The following ITPRID2 variants were observed in gnomAD, a reference collection of about 807,000 sequenced individuals.
ITPRID2 encodes protein ITPRID2.
Under a neutral mutation model 124.3 loss-of-function variants are expected in ITPRID2, and 60 were observed. The ratio of observed to expected loss-of-function variants is 0.48; its 90% CI spans 0.39 to 0.60. The LOEUF is 0.60. ITPRID2 is among the 20% of genes least tolerant of loss of function. ITPRID2 has a pLI of 0.00. For synonymous variants in ITPRID2, 521 were observed against 542.9 expected (o/e 0.96, Z 0.56); for missense variants, 1,553 against 1,512.2 (o/e 1.03, Z -0.45).
chr2:181,897,139 T>A (rs1177713347), intron 4 of ITPRID2, among the ~76,000 whole-genome samples, 175 bp downstream of exon 4: 6 of 152,022 alleles, frequency 3.9e-5, no homozygotes, highest in Admixed American at 1.3e-4. Context: ...GTCTGTAGGA[T>A]ACATGTAGGG....
chr2:181,891,871 G>C lies in ITPRID2; in HGVS notation c.-196G>C. On this transcript the variant is annotated 5_prime_UTR_variant, in exon 1 of 18. Transcript: ENST00000431877. The stretch of plus-strand genomic sequence containing the variant: ...CCCGGCCGCCTTCATGTGAAGCGCC[G>C]GCCCTCCGCCCCTTCCCTCCCCTTC... 1 of 345,132 alleles carries C rather than the reference G, an allele frequency of 2.9e-6. No individual in the cohort carries two copies. The highest frequency in any genetic ancestry group is 2.6e-5 in the South Asian group (1 of 39,170). The allele number at this position is 345,132 out of a possible 1,614,324, so 21.4% of individuals were successfully genotyped here.
Position 181,919,603 on chromosome 2 carries a change from A to G in ITPRID2, c.3144+157A>G, listed in dbSNP as rs771160813. ...GCTTTCCCACAAATCAGTTGAATGT[A>G]CAATTTGTAATAATTGTCATAAATA... On this transcript the variant is annotated intron_variant, in intron 14 of 17. Transcript: ENST00000431877. This position sits in a 1 kb window ranked among gnomAD's most constrained non-coding sequence, Gnocchi z 4.2. 1.8e-4 allele frequency among the ~76,000 whole-genome samples: 28 copies of G among 152,368 alleles called. No homozygotes were observed. The highest frequency in any genetic ancestry group is 3.2e-4 in the Non-Finnish European group (22 of 68,028).
At chr2:181,903,056 G>GT (rs1692809910) in intron 8 of ITPRID2, among the ~76,000 whole-genome samples, 2 of 152,130 alleles carry the variant, frequency 1.3e-5, no homozygotes, top group African/African-American at 4.8e-5. Context: ...CCAATGTTTG[G>GT]TTACTTGTTA....
chr2:181,906,711 C>A (rs986052012), intron 8 of ITPRID2, among the ~76,000 whole-genome samples: 1 of 151,678 alleles, frequency 6.6e-6, no homozygotes, highest in Non-Finnish European at 1.5e-5. Flanking sequence ...TGCACTCCAG[C>A]CTGGGCAACA....
chr2:181,896,977 G>A lies in ITPRID2; in HGVS notation c.364+13G>A. ...TTGGGAGCTGAAGGTATGTTTGTTT[G>A]GAAGAACTGTATTTTTGTGTAGTTT... On this transcript the variant is annotated intron_variant, in intron 4 of 17. Coordinates refer to ENST00000431877, the MANE Select transcript of ITPRID2 (RefSeq NM_001130445.3). The surrounding 1 kb of genome is among the most constrained non-coding windows in gnomAD (Gnocchi z 4.3). 6.2e-7 allele frequency: 1 copy of A among 1,608,472 alleles called. No homozygotes were observed. Among genetic ancestry groups the A allele is most frequent in the Non-Finnish European group, 8.5e-7 (1 of 1,175,380 alleles).
intron 9 of ITPRID2, among the ~76,000 whole-genome samples, chr2:181,913,313 C>T (rs868615441): frequency 4.6e-5 from 7 of 152,080 alleles, no homozygotes; most frequent in Non-Finnish European, 7.4e-5. Flanking sequence ...GTGATCCGCC[C>T]GCCTCAGCCT....
chr2:181,892,424 G>A lies in ITPRID2; in HGVS notation c.211+147G>A. ...ACACTTCCGACCTTCAAACGCGCGC[G>A]CTGAACGAGGCGCCCCCAGCGTCAA... On this transcript the variant is annotated intron_variant, in intron 1 of 17. Transcript: ENST00000431877. The surrounding 1 kb of genome is among the most constrained non-coding windows in gnomAD (Gnocchi z 5.2). The A allele has an allele frequency of 2.6e-6, 3 of 1,136,694 alleles. No individual in the cohort carries two copies. In the South Asian group the frequency reaches 4.5e-5, roughly 17 times the overall value. The allele number at this position is 1,136,694 out of a possible 1,614,324, so 70.4% of individuals were successfully genotyped here. A position where few individuals can be genotyped will look rare whatever the true frequency, so the allele number is the denominator to read the frequency against.
chr2:181,897,661 A>G (rs946469186), intron 4 of ITPRID2, among the ~76,000 whole-genome samples: 1 of 151,980 alleles, frequency 6.6e-6, no homozygotes, highest in East Asian at 1.9e-4. Flanking sequence ...TGCATAGATT[A>G]TTCATAGCTG....
In ITPRID2 at chr2:181,919,055, T is replaced by G. The variant is rs1694289318; in HGVS notation, c.2993+173T>G. ...TAGTGTTTTACTAAGTAAACTTGTA[T>G]GCCTTCAATATCCTAAGGGTAGTGG... is the stretch of plus-strand genomic sequence containing the variant. On this transcript the variant is annotated intron_variant, in intron 13 of 17. Coordinates refer to ENST00000431877, the MANE Select transcript of ITPRID2 (RefSeq NM_001130445.3). The surrounding 1 kb of genome is among the most constrained non-coding windows in gnomAD (Gnocchi z 4.2). 1.3e-5 allele frequency among the ~76,000 whole-genome samples: 2 copies of G among 152,254 alleles called. No individual in the cohort carries two copies. Among genetic ancestry groups the G allele is most frequent in the Admixed American group, 1.3e-4 (2 of 15,282 alleles).
chr2:181,916,982 C>A (rs1694111798), intron 11 of ITPRID2: 1 of 986,080 alleles, frequency 1.0e-6, no homozygotes, highest in Non-Finnish European at 1.2e-6. Flanking sequence ...TGGAACTACT[C>A]CAGACCAGAA....
Position 181,892,202 on chromosome 2 carries a change from G to T in ITPRID2, c.136G>T (p.Ala46Ser). 1 of 1,552,720 alleles carries T rather than the reference G, an allele frequency of 6.4e-7. No individual in the cohort carries two copies. Among genetic ancestry groups the T allele is most frequent in the Middle Eastern group, 1.7e-4 (1 of 5,872 alleles). ...GGAGACGGAGGATCTGTCCACAGAA[G>T]CGACGACGCAGGACGAGGAGGAGGA... is the stretch of plus-strand genomic sequence containing the variant. Reference protein sequence around the residue: ...ASETEDLSTEATTQDEEEDEE... With the variant: ...ASETEDLSTESTTQDEEEDEE... Residue 46 changes from alanine to serine, a missense_variant, in exon 1 of 18, where the codon GCG becomes TCG. Physicochemically the swap from Ala to Ser is moderately conservative, Grantham distance 99. Transcript: ENST00000431877. This position sits in a 1 kb window ranked among gnomAD's most constrained non-coding sequence, Gnocchi z 5.2.
intron 16 of ITPRID2, among the ~76,000 whole-genome samples, chr2:181,924,834 T>G (rs570380481): frequency 2.6e-5 from 4 of 152,366 alleles, no homozygotes; most frequent in African/African-American, 9.6e-5. Context: ...GCATGTGCAT[T>G]GTACTAGGAA....
In ITPRID2 at chr2:181,896,836, CTAAAACAGTGATTT is replaced by C. The variant is rs1692242049; in HGVS notation, c.308-69_308-56del. Reference sequence around the variant, plus strand: ...AAGATATTTTGCTGGGTGAATTTAACTAAAACAGTGATTTTATATGAGGGTGGAGAGGAACAGAA... The same window carrying C: ...AAGATATTTTGCTGGGTGAATTTAACTATATGAGGGTGGAGAGGAACAGAA... On this transcript the variant is annotated intron_variant, in intron 3 of 17. Coordinates refer to ENST00000431877, the MANE Select transcript of ITPRID2 (RefSeq NM_001130445.3). The surrounding 1 kb of genome is among the most constrained non-coding windows in gnomAD (Gnocchi z 4.3). 4.9e-6 allele frequency: 6 copies of C among 1,229,678 alleles called. No homozygotes were observed. In the East Asian group the frequency reaches 1.4e-4, roughly 29 times the overall value. 76.2% of individuals were successfully genotyped at this position (1,229,678 alleles called of 1,614,324 possible).
At chr2:181,894,969 A>G (rs1017159992) in intron 2 of ITPRID2, among the ~76,000 whole-genome samples, 1 of 152,148 alleles carries the variant, frequency 6.6e-6, no homozygotes, top group Non-Finnish European at 1.5e-5. Flanking sequence ...AAAGACATAC[A>G]TTAGAATTTT....
At chr2:181,929,410 G>C (rs972295123) in intron 17 of ITPRID2, 151 bp from the exon 18 acceptor site, 1 of 438,762 alleles carries the variant, frequency 2.3e-6, no homozygotes, top group African/African-American at 2.0e-5. Context: ...AGGGATATAA[G>C]AATTAACTCT....
At chr2:181,904,259 CA>C (rs202060482) in intron 8 of ITPRID2, among the ~76,000 whole-genome samples, 5,589 of 152,000 alleles carry the variant, frequency 0.037, 136 homozygotes, top group South Asian at 0.1. Flanking sequence ...ATGAAGAAAG[CA>C]ATGTAGCATT....
At chr2:181,897,097 C>A (rs1692264707) in intron 4 of ITPRID2, 133 bp downstream of exon 4, 3 of 734,974 alleles carry the variant, frequency 4.1e-6, no homozygotes, top group Non-Finnish European at 7.2e-6. Context: ...GCATATTTTA[C>A]ATTACCTTTC....
rs1443926832 is a variant in ITPRID2 at position 181,902,356 on chromosome 2, C to A, written c.1303C>A (p.Leu435Met). The change falls in exon 8 of 18, where the codon CTG becomes ATG. Residue 435 changes from leucine (L) to methionine (M), a missense_variant. Leu to Met is a conservative substitution (Grantham distance 15). Transcript: ENST00000431877. The surrounding 1 kb of genome is among the most constrained non-coding windows in gnomAD (Gnocchi z 4.4). ...CAGTGAGCTGGAAAATAGCAGTGAG[C>A]TGAAAAGTGTCCATATATCCACACC... ...SHSELENSSE[L>M]KSVHISTPEK... The A allele has an allele frequency of 1.9e-6, 3 of 1,613,760 alleles. No homozygotes were observed. Among genetic ancestry groups the A allele is most frequent in the Non-Finnish European group, 2.5e-6 (3 of 1,179,862 alleles).
At chr2:181,912,492 T>C (rs1470732165) in intron 9 of ITPRID2, among the ~76,000 whole-genome samples, 3 of 152,236 alleles carry the variant, frequency 2.0e-5, no homozygotes, top group African/African-American at 7.2e-5. Flanking sequence ...AAAATTATTC[T>C]AAATTTTTAA....
Sources: allele counts gnomAD v4.1 joint callset (sites outside exome capture counted in the v4.1 genomes callset), GRCh38; gene constraint gnomAD v4.1.1; non-coding constraint Gnocchi (gnomAD v3.1); transcripts MANE v1.5; gene names NCBI Gene and HGNC (gene_info 2026-07-23, HGNC 2026-07-21).